HELZ: variants seen among roughly 807,000 people sequenced by gnomAD.
HELZ encodes the protein ATP-dependent RNA helicase with zinc finger domain.
Under a neutral mutation model 218.2 loss-of-function variants are expected in HELZ, and 23 were observed. That is an observed-to-expected ratio of 0.11 (90% CI 0.08 to 0.15). The LOEUF is 0.15. Ranked by LOEUF, HELZ falls within the 10% of genes least tolerant of loss-of-function variation. The pLI is 1.00. For missense variants in HELZ, 1,813 were observed against 2,353.7 expected (o/e 0.77, Z 4.75); for synonymous variants, 814 against 829.4 (o/e 0.98, Z 0.32).
rs2035955512 is a variant in HELZ at position 67,073,985 on chromosome 17, T to A, written c.*4267A>T. ...ATGGAGATGGTGTCTTTGTAAGTGATTGGCACCACTACGTGATATTTTGAA... is the reference window on the plus strand; with the variant it reads ...ATGGAGATGGTGTCTTTGTAAGTGAATGGCACCACTACGTGATATTTTGAA... On this transcript the variant is annotated 3_prime_UTR_variant, in exon 33 of 33. Transcript: ENST00000358691. The A allele has an allele frequency of 6.6e-6, 1 of 152,166 alleles. No individual in the cohort carries two copies. Among genetic ancestry groups the A allele is most frequent in the Non-Finnish European group, 1.5e-5 (1 of 68,014 alleles). The allele number at this position is 152,166 out of a possible 1,614,324, so 9.4% of individuals were successfully genotyped here.
At chr17:67,100,413 C>A (rs1197417442) in intron 31 of HELZ, among the ~76,000 whole-genome samples, 17 of 152,144 alleles carry the variant, frequency 1.1e-4, no homozygotes, top group Admixed American at 1.1e-3. Context: ...GACTTACTAG[C>A]ATTCCATTTT....
At chr17:67,147,575 TC>T (rs1380407973) in intron 20 of HELZ, among the ~76,000 whole-genome samples, 2 of 151,906 alleles carry the variant, frequency 1.3e-5, no homozygotes. Context: ...CCTCTTGGGT[TC>T]AAGAAACCCT....
At chr17:67,129,244 A>G (rs965564090) in intron 23 of HELZ, among the ~76,000 whole-genome samples, 5 of 152,008 alleles carry the variant, frequency 3.3e-5, no homozygotes, top group African/African-American at 1.2e-4. Context: ...CTACATACAT[A>G]TATATACTAT....
rs1219751830 is a variant in HELZ at position 67,120,432 on chromosome 17, TCTC to T, written c.3808_3810del (p.Glu1270del). 6.2e-7 allele frequency: 1 copy of T among 1,614,046 alleles called. No individual in the cohort carries two copies. Among genetic ancestry groups the T allele is most frequent in the Admixed American group, 1.7e-5 (1 of 60,008 alleles). On this transcript the variant is annotated inframe_deletion, in exon 27 of 33. Coordinates refer to ENST00000358691, the MANE Select transcript of HELZ (RefSeq NM_014877.4). The stretch of plus-strand genomic sequence containing the variant: ...TTTCGATTTTGCTCATGTTGATCCT[TCTC>T]CTGATGCTGATTTTGTGGCTGGCCT...
At chr17:67,084,962 TG>T (rs2036320388) in intron 32 of HELZ, among the ~76,000 whole-genome samples, 1 of 151,894 alleles carries the variant, frequency 6.6e-6, no homozygotes, top group South Asian at 2.1e-4. Flanking sequence ...ACAAATTAGC[TG>T]GGCATGGTGG....
At chr17:67,171,117 C>G (rs928047689) in intron 13 of HELZ, among the ~76,000 whole-genome samples, 3 of 151,194 alleles carry the variant, frequency 2.0e-5, no homozygotes, top group Admixed American at 6.6e-5. Context: ...TGGTAATACT[C>G]TCCTAGTTTT....
intron 17 of HELZ, among the ~76,000 whole-genome samples, chr17:67,155,924 G>A (rs1052952473): frequency 8.7e-5 from 13 of 149,922 alleles, no homozygotes; most frequent in African/African-American, 2.9e-4. Flanking sequence ...ATATGTATGT[G>A]TGTGTGTATA....
intron 23 of HELZ, among the ~76,000 whole-genome samples, chr17:67,135,195 T>C (rs2038111292): frequency 6.6e-6 from 1 of 152,198 alleles, no homozygotes; most frequent in South Asian, 2.1e-4. Context: ...GAAAGACAAG[T>C]AATGACCACG....
At chr17:67,129,418 C>A (rs1567825150) in intron 23 of HELZ, among the ~76,000 whole-genome samples, 1 of 151,832 alleles carries the variant, frequency 6.6e-6, no homozygotes, top group Admixed American at 6.6e-5. Context: ...TATGTGTAAT[C>A]TATGTGTGTG....
intron 7 of HELZ, among the ~76,000 whole-genome samples, chr17:67,199,825 A>C (rs1352651447): frequency 6.6e-6 from 1 of 152,154 alleles, no homozygotes; most frequent in African/African-American, 2.4e-5. Context: ...GGGTCTCTGC[A>C]CATCCCCTCT....
chr17:67,114,400 T>C lies in HELZ; in HGVS notation c.3842A>G (p.Lys1281Arg). The change falls in exon 28 of 33, where the codon AAA becomes AGA. Residue 1281 changes from lysine (K) to arginine (R), a missense_variant. This residue lies in a region of HELZ where 938 missense variants were observed against 1,027.5 expected (regional missense o/e 0.91). Transcript: ENST00000358691. ...KDQHEQNRNG[K>R]SDTNNSGPEI... Reference sequence around the variant, plus strand: ...AGGTCCGGAATTATTTGTATCACTTTTACCTAAGAAAATATTTAAAAATCC... The same window carrying C: ...AGGTCCGGAATTATTTGTATCACTTCTACCTAAGAAAATATTTAAAAATCC... 1.3e-6 allele frequency: 2 copies of C among 1,585,012 alleles called. No homozygotes were observed. The highest frequency in any genetic ancestry group is 1.7e-6 in the Non-Finnish European group (2 of 1,153,876).
At chr17:67,228,281 C>T (rs774276958) in intron 3 of HELZ, among the ~76,000 whole-genome samples, 16 of 152,132 alleles carry the variant, frequency 1.1e-4, no homozygotes, top group Non-Finnish European at 2.1e-4. Context: ...TATAACAAAA[C>T]AAAAATTTGT....
chr17:67,205,801 T>G (rs2040281240), intron 5 of HELZ, among the ~76,000 whole-genome samples: 1 of 152,282 alleles, frequency 6.6e-6, no homozygotes, highest in Non-Finnish European at 1.5e-5. Flanking sequence ...CATTGCTGTA[T>G]GAATATCTTA....
intron 2 of HELZ, chr17:67,239,901 G>A (rs897682573): frequency 4.6e-5 from 7 of 152,170 alleles, no homozygotes; most frequent in Admixed American, 4.6e-4. Flanking sequence ...TTGTAAAATG[G>A]AAATAACTAT....
At chr17:67,120,714 AACAC>A (rs142954420) in intron 26 of HELZ, 102 bp from the exon 27 acceptor site, 9 of 704,740 alleles carry the variant, frequency 1.3e-5, no homozygotes, top group Admixed American at 6.5e-5. Context: ...AAGACATACA[AACAC>A]ACACACACAC....
intron 28 of HELZ, among the ~76,000 whole-genome samples, chr17:67,113,098 A>G (rs966649494): frequency 6.6e-5 from 10 of 152,290 alleles, no homozygotes; most frequent in Admixed American, 6.5e-4. Flanking sequence ...GATGAAGGTT[A>G]AAGAAATTAT....
chr17:67,145,900 A>C lies in HELZ; in HGVS notation c.2622-10T>G. On this transcript the variant is annotated splice_polypyrimidine_tract_variant and intron_variant, in intron 20 of 32. Coordinates refer to ENST00000358691, the MANE Select transcript of HELZ (RefSeq NM_014877.4). The stretch of plus-strand genomic sequence containing the variant: ...AAGCTCAGAGGTATAACTGCAGTAA[A>C]AGACAAAAAGAAAAAAGGGGGAAAA... 6.3e-7 allele frequency: 1 copy of C among 1,598,252 alleles called. No individual in the cohort carries two copies. The highest frequency in any genetic ancestry group is 8.5e-7 in the Non-Finnish European group (1 of 1,176,352).
At chr17:67,084,067 CAT>C (rs1300730194) in intron 32 of HELZ, among the ~76,000 whole-genome samples, 4 of 152,190 alleles carry the variant, frequency 2.6e-5, no homozygotes, top group African/African-American at 4.8e-5. Flanking sequence ...AGAAGTCTCT[CAT>C]GTGATTATTT....
At chr17:67,096,741 T>C (rs2036761169) in intron 31 of HELZ, among the ~76,000 whole-genome samples, 1 of 152,228 alleles carries the variant, frequency 6.6e-6, no homozygotes, top group South Asian at 2.1e-4. Context: ...AAGGGAATGT[T>C]GTGGCTGGTT....
Sources: allele counts gnomAD v4.1 joint callset (sites outside exome capture counted in the v4.1 genomes callset), GRCh38; gene constraint gnomAD v4.1.1; regional missense constraint gnomAD v4.1.1; transcripts MANE v1.5; gene names NCBI Gene and HGNC (gene_info 2026-07-23, HGNC 2026-07-21).